The following ENTREP2 variants were observed in gnomAD, a reference collection of about 807,000 sequenced individuals.
ENTREP2 encodes endosomal transmembrane epsin interactor 2.
At chr15:29,289,081 C>T in the ENTREP2 span, among the ~76,000 whole-genome samples, 1 of 151,754 alleles carries the variant, frequency 6.6e-6, no homozygotes, top group African/African-American at 2.4e-5. Flanking sequence ...GTGGTGTATG[C>T]CTGCAGTCCC....
chr15:29,490,401 CCAAA>C, the ENTREP2 span, among the ~76,000 whole-genome samples: 31 of 152,176 alleles, frequency 2.0e-4, no homozygotes, highest in Non-Finnish European at 3.4e-4. Context: ...GGAAGAGAAC[CCAAA>C]CAGTTTGCGG....
the ENTREP2 span, among the ~76,000 whole-genome samples, chr15:29,583,082 T>G: frequency 1.3e-5 from 2 of 152,204 alleles, no homozygotes; most frequent in Admixed American, 6.5e-5. Flanking sequence ...GAAGATATTT[T>G]GGGGGATCAC....
At chr15:29,568,832 G>C in the ENTREP2 span, among the ~76,000 whole-genome samples, 1 of 152,110 alleles carries the variant, frequency 6.6e-6, no homozygotes, top group East Asian at 1.9e-4. Context: ...AAATGTAGGG[G>C]ATGATGTGCA....
chr15:29,377,573 C>T, the ENTREP2 span, among the ~76,000 whole-genome samples: 1 of 152,020 alleles, frequency 6.6e-6, no homozygotes, highest in Non-Finnish European at 1.5e-5. Flanking sequence ...CCTGTAATTC[C>T]AGCACTTTGG....
the ENTREP2 span, among the ~76,000 whole-genome samples, chr15:29,414,209 C>T: frequency 6.6e-6 from 1 of 152,152 alleles, no homozygotes; most frequent in Non-Finnish European, 1.5e-5. Context: ...CTTTTCAGCA[C>T]CATACCACAC....
the ENTREP2 span, among the ~76,000 whole-genome samples, chr15:29,602,682 C>A: frequency 6.6e-6 from 1 of 152,074 alleles, no homozygotes; most frequent in Non-Finnish European, 1.5e-5. Context: ...GGATTACAGG[C>A]ATGCACCAAC....
At chr15:29,499,542 A>AT in the ENTREP2 span, among the ~76,000 whole-genome samples, 1,524 of 141,550 alleles carry the variant, frequency 0.011, 13 homozygotes, top group African/African-American at 0.032. Flanking sequence ...CACTAGGCTA[A>AT]TTTTTTTTTT....
At chr15:29,460,944 A>G in the ENTREP2 span, among the ~76,000 whole-genome samples, 4 of 152,162 alleles carry the variant, frequency 2.6e-5, no homozygotes, top group African/African-American at 9.7e-5. Flanking sequence ...TTATCTTCTG[A>G]CCTGTTTTTA....
chr15:29,503,381 A>AAGAGGCAAAATCATAGAAAC, the ENTREP2 span, among the ~76,000 whole-genome samples: 1 of 152,224 alleles, frequency 6.6e-6, no homozygotes, highest in Non-Finnish European at 1.5e-5. Context: ...AAATGTCCAG[A>AAGAGGCAAAATCATAGAAAC]AGAGGCAAAA....
At chr15:29,310,098 G>A in the ENTREP2 span, among the ~76,000 whole-genome samples, 2 of 152,114 alleles carry the variant, frequency 1.3e-5, no homozygotes, top group Admixed American at 1.3e-4. Context: ...GGAAGAAAGG[G>A]GCATCATGTC....
the ENTREP2 span, among the ~76,000 whole-genome samples, chr15:29,202,107 C>A: frequency 2.0e-5 from 3 of 152,144 alleles, no homozygotes; most frequent in African/African-American, 7.2e-5. Context: ...TCTGCTGGGT[C>A]TGTAGTTATA....
At chr15:29,402,191 G>A in the ENTREP2 span, among the ~76,000 whole-genome samples, 1 of 150,272 alleles carries the variant, frequency 6.7e-6, no homozygotes, top group Admixed American at 6.7e-5. Flanking sequence ...GCAGCAAGAG[G>A]GAATTACATA....
At chr15:29,645,246 G>C in the ENTREP2 span, among the ~76,000 whole-genome samples, 1 of 152,116 alleles carries the variant, frequency 6.6e-6, no homozygotes, top group Non-Finnish European at 1.5e-5. Flanking sequence ...TGAGAATTCT[G>C]TTTCTCAGTT....
At chr15:29,526,012 C>T in the ENTREP2 span, among the ~76,000 whole-genome samples, 1 of 152,160 alleles carries the variant, frequency 6.6e-6, no homozygotes, top group Non-Finnish European at 1.5e-5. Context: ...ATGAGCTAAT[C>T]AATTCTGTAT....
At chr15:29,381,626 T>C in the ENTREP2 span, 1 of 661,638 alleles carries the variant, frequency 1.5e-6, no homozygotes, top group Non-Finnish European at 2.6e-6. Context: ...CACAAGCCCA[T>C]CAGCATTCAG....
At chr15:29,222,176 T>A in the ENTREP2 span, among the ~76,000 whole-genome samples, 1 of 152,160 alleles carries the variant, frequency 6.6e-6, no homozygotes, top group African/African-American at 2.4e-5. Context: ...GTAAAGAAGC[T>A]GGCCAAATCC....
the ENTREP2 span, among the ~76,000 whole-genome samples, chr15:29,433,503 CA>C: frequency 2.6e-5 from 4 of 152,266 alleles, no homozygotes; most frequent in South Asian, 8.3e-4. Flanking sequence ...CTTAATGGTA[CA>C]AATCTTATTC....
chr15:29,222,926 C>A, the ENTREP2 span, among the ~76,000 whole-genome samples: 442 of 152,324 alleles, frequency 2.9e-3, no homozygotes, highest in Middle Eastern at 0.027. Flanking sequence ...GCATGTGATA[C>A]AATCTCATGA....
At chr15:29,402,131 G>A in the ENTREP2 span, among the ~76,000 whole-genome samples, 1 of 152,022 alleles carries the variant, frequency 6.6e-6, no homozygotes, top group South Asian at 2.1e-4. Context: ...AGAATTCCCA[G>A]TATTAACCAA....
Sources: allele counts gnomAD v4.1 joint callset (sites outside exome capture counted in the v4.1 genomes callset), GRCh38; gene constraint gnomAD v4.1.1; transcripts MANE v1.5; gene names NCBI Gene and HGNC (gene_info 2026-07-23, HGNC 2026-07-21).